Variants in PTPRD observed in about 807,000 individuals in gnomAD.
PTPRD encodes the protein receptor-type tyrosine-protein phosphatase delta.
PTPRD carries 34 observed loss-of-function variants against 214.5 expected under a neutral mutation model. That is an observed-to-expected ratio of 0.16 (90% CI 0.12 to 0.21). The LOEUF (loss-of-function observed/expected upper bound fraction) is 0.21, where lower values mean the gene tolerates loss of function less well. Among genes scored for constraint, PTPRD ranks in the 10% least tolerant of loss-of-function variants. The pLI, the probability that PTPRD is intolerant of heterozygous loss-of-function variation, is 1.00. For missense variants in PTPRD, 2,545 were observed against 2,398.7 expected (o/e 1.06, Z -1.27); for synonymous variants, 1,128 against 845.7 (o/e 1.33, Z -5.79).
chr9:9,236,455 C>A (rs2099966796), intron 9 of PTPRD, among the ~76,000 whole-genome samples: 1 of 151,702 alleles, frequency 6.6e-6, no homozygotes, highest in African/African-American at 2.4e-5. Flanking sequence ...TCAAATCCAC[C>A]CATAAATTCT....
intron 10 of PTPRD, among the ~76,000 whole-genome samples, chr9:9,120,707 C>T (rs2154463588): frequency 6.6e-6 from 1 of 152,276 alleles, no homozygotes; most frequent in Non-Finnish European, 1.5e-5. Context: ...TTTGAAGTAG[C>T]ACCTGTATAT....
At chr9:9,937,960 A>G (rs2382083) in intron 5 of PTPRD, among the ~76,000 whole-genome samples, 54,940 of 151,984 alleles carry the variant, frequency 0.36, 10,616 homozygotes, top group East Asian at 0.74. Context: ...TCATAACTGG[A>G]ATTGGAGGCA....
chr9:9,899,521 G>T (rs187181189), intron 5 of PTPRD, among the ~76,000 whole-genome samples: 2 of 152,058 alleles, frequency 1.3e-5, no homozygotes, highest in Non-Finnish European at 2.9e-5. Context: ...ACTGCTGTTA[G>T]AATGGTTATT....
intron 4 of PTPRD, among the ~76,000 whole-genome samples, chr9:10,004,101 C>G (rs558541415): frequency 6.6e-6 from 1 of 151,826 alleles, no homozygotes; most frequent in Admixed American, 6.6e-5. Context: ...ATATTATACT[C>G]AGCATGTGGC....
At chr9:8,829,977 A>G (rs56288028) in intron 11 of PTPRD, among the ~76,000 whole-genome samples, 9,182 of 152,288 alleles carry the variant, frequency 0.06, 332 homozygotes, top group Non-Finnish European at 0.091. Context: ...CAGACCTTTC[A>G]GAAAATATTT....
At chr9:8,557,745 T>TAAAAAA (rs752836520) in intron 14 of PTPRD, among the ~76,000 whole-genome samples, 3 of 46,776 alleles carry the variant, frequency 6.4e-5, no homozygotes, top group Non-Finnish European at 1.1e-4. Context: ...TGTCTCTCAA[T>TAAAAAA]AAAAAAAAAA....
At chr9:8,603,409 T>C (rs1191125406) in intron 14 of PTPRD, among the ~76,000 whole-genome samples, 1 of 152,204 alleles carries the variant, frequency 6.6e-6, no homozygotes, top group African/African-American at 2.4e-5. Context: ...TTTGGCCCTA[T>C]AGACAGCTTT....
chr9:8,661,972 A>G (rs1490472295), intron 12 of PTPRD, among the ~76,000 whole-genome samples: 4 of 152,092 alleles, frequency 2.6e-5, no homozygotes, highest in Non-Finnish European at 2.9e-5. Context: ...TCTACAGGTA[A>G]AGCCTTGCTA....
chr9:10,451,823 C>G (rs773056933), intron 2 of PTPRD, among the ~76,000 whole-genome samples: 1 of 151,950 alleles, frequency 6.6e-6, no homozygotes, highest in African/African-American at 2.4e-5. Context: ...CTAAAACTAT[C>G]TGAACAAAAT....
intron 3 of PTPRD, among the ~76,000 whole-genome samples, chr9:10,063,230 C>A (rs186125615): frequency 6.6e-6 from 1 of 151,990 alleles, no homozygotes; most frequent in Non-Finnish European, 1.5e-5. Flanking sequence ...CTTCTGTCAA[C>A]GTTTTAACCA....
At chr9:9,033,188 G>C (rs1473597451) in intron 10 of PTPRD, among the ~76,000 whole-genome samples, 1 of 152,110 alleles carries the variant, frequency 6.6e-6, no homozygotes, top group East Asian at 1.9e-4. Context: ...TAATTTGGCA[G>C]TAATCATATC....
intron 5 of PTPRD, among the ~76,000 whole-genome samples, chr9:9,768,135 CA>C (rs927934457): frequency 5.9e-4 from 90 of 152,086 alleles, no homozygotes; most frequent in African/African-American, 2.1e-3. Context: ...ATTTGATGGC[CA>C]AAACTAGTCT....
intron 7 of PTPRD, among the ~76,000 whole-genome samples, chr9:9,636,021 A>G (rs1041160786): frequency 6.6e-6 from 1 of 152,178 alleles, no homozygotes; most frequent in African/African-American, 2.4e-5. Flanking sequence ...GGCTTTCTCC[A>G]GCTTCATCTA....
At chr9:10,482,746 T>C (rs1396824586) in intron 2 of PTPRD, among the ~76,000 whole-genome samples, 1 of 152,082 alleles carries the variant, frequency 6.6e-6, no homozygotes, top group Non-Finnish European at 1.5e-5. Flanking sequence ...CCTATGAATA[T>C]ACTTAACCAA....
At chr9:8,583,115 T>C (rs957259756) in intron 14 of PTPRD, among the ~76,000 whole-genome samples, 1 of 152,170 alleles carries the variant, frequency 6.6e-6, no homozygotes, top group African/African-American at 2.4e-5. Context: ...TAGATTCTCA[T>C]AAAGAGTGCA....
chr9:10,530,097 G>A (rs972198510), intron 2 of PTPRD, among the ~76,000 whole-genome samples: 3 of 152,106 alleles, frequency 2.0e-5, no homozygotes, highest in African/African-American at 7.2e-5. Flanking sequence ...AAATATTGCA[G>A]TGATTGACAC....
Position 9,761,955 on chromosome 9 carries a change from A to G in PTPRD, c.-326+4855T>C, listed in dbSNP as rs149448457. On this transcript the variant is annotated intron_variant, in intron 6 of 45. Coordinates refer to ENST00000381196, the MANE Select transcript of PTPRD (RefSeq NM_002839.4). ...ATTGGTCTGCTTGGGCTGGCTTAAC[A>G]AAATACCAAAGACTGAATGACTTAA... Among the ~76,000 whole-genome samples, 670 of 152,324 alleles carry G rather than the reference A, an allele frequency of 4.4e-3. 9 individuals carry two copies. Among genetic ancestry groups the G allele is most frequent in the South Asian group, 0.021 (101 of 4,828 alleles).
rs73643811 is a variant in PTPRD, at chr9:9,874,639, T to G, written c.-368+63868A>C. Among the ~76,000 whole-genome samples, 178 of 152,332 alleles carry G rather than the reference T, an allele frequency of 1.2e-3. 1 individual carries two copies. The highest frequency in any genetic ancestry group is 4.2e-3 in the African/African-American group (173 of 41,588). On this transcript the variant is annotated intron_variant, in intron 5 of 45. Coordinates refer to ENST00000381196, the MANE Select transcript of PTPRD (RefSeq NM_002839.4). Reference sequence around the variant, plus strand: ...CTCTTTTATCTCAAATAATAAACTTTGAAATATGTTTTTGCTTTCTATCAA... The same window carrying G: ...CTCTTTTATCTCAAATAATAAACTTGGAAATATGTTTTTGCTTTCTATCAA...
intron 8 of PTPRD, among the ~76,000 whole-genome samples, chr9:9,471,670 A>T (rs1023689482): frequency 6.6e-6 from 1 of 152,136 alleles, no homozygotes; most frequent in Non-Finnish European, 1.5e-5. Context: ...TCATTATAGG[A>T]GATGTATTGC....
Sources: allele counts gnomAD v4.1 joint callset (sites outside exome capture counted in the v4.1 genomes callset), GRCh38; gene constraint gnomAD v4.1.1; transcripts MANE v1.5; gene names NCBI Gene and HGNC (gene_info 2026-07-23, HGNC 2026-07-21).